The following AUTS2 variants were observed in gnomAD, a reference collection of about 807,000 sequenced individuals.
AUTS2 encodes autism susceptibility gene 2 protein.
AUTS2 carries 17 observed loss-of-function variants against 112.4 expected under a neutral mutation model. That is an observed-to-expected ratio of 0.15 (90% CI 0.10 to 0.23). The LOEUF (loss-of-function observed/expected upper bound fraction) is 0.23, where lower values mean the gene tolerates loss of function less well. AUTS2 is among the 10% of genes least tolerant of loss of function. AUTS2 has a pLI of 1.00. For missense variants in AUTS2, 1,510 were observed against 1,701.6 expected (o/e 0.89, Z 1.98); for synonymous variants, 751 against 702.7 (o/e 1.07, Z -1.09).
At chr7:70,227,940 G>C (rs1811851470) in intron 4 of AUTS2, among the ~76,000 whole-genome samples, 1 of 152,046 alleles carries the variant, frequency 6.6e-6, no homozygotes, top group Admixed American at 6.5e-5. Context: ...CAGTTTGTTT[G>C]ATAGTGTTGG....
chr7:69,970,471 C>T (rs1797803544), intron 2 of AUTS2, among the ~76,000 whole-genome samples: 1 of 152,180 alleles, frequency 6.6e-6, no homozygotes, highest in African/African-American at 2.4e-5. Context: ...CCTCTTACAT[C>T]TCCTAGCACA....
chr7:69,659,580 G>GT (rs1488169559), intron 1 of AUTS2, among the ~76,000 whole-genome samples: 7 of 63,658 alleles, frequency 1.1e-4, no homozygotes, highest in South Asian at 6.4e-4. Context: ...CTGAGGCTTA[G>GT]TTGTTTTTTT....
chr7:69,701,305 G>C (rs960789131), intron 1 of AUTS2, among the ~76,000 whole-genome samples: 3 of 152,182 alleles, frequency 2.0e-5, no homozygotes, highest in African/African-American at 7.2e-5. Context: ...TGTTGCATTT[G>C]ACTTTTGTTG....
At chr7:70,093,356 C>G (rs989732886) in intron 2 of AUTS2, among the ~76,000 whole-genome samples, 3 of 152,066 alleles carry the variant, frequency 2.0e-5, no homozygotes, top group Admixed American at 6.6e-5. Context: ...AAATAAAAAT[C>G]AAAAGTAAAA....
At chr7:69,996,058 A>G (rs1798931574) in intron 2 of AUTS2, among the ~76,000 whole-genome samples, 1 of 152,212 alleles carries the variant, frequency 6.6e-6, no homozygotes, top group Non-Finnish European at 1.5e-5. Flanking sequence ...TTTAATAAAT[A>G]ATTCATTCCT....
At chr7:69,971,386 T>C (rs1294290971) in intron 2 of AUTS2, among the ~76,000 whole-genome samples, 2 of 152,214 alleles carry the variant, frequency 1.3e-5, no homozygotes, top group Non-Finnish European at 2.9e-5. Context: ...ACTTCTTATT[T>C]TGAGATAATG....
intron 6 of AUTS2, among the ~76,000 whole-genome samples, chr7:70,741,589 A>T (rs1247501766): frequency 1.3e-5 from 2 of 151,606 alleles, no homozygotes. Flanking sequence ...TACTTAGGAG[A>T]CTGAGGCAGG....
intron 5 of AUTS2, among the ~76,000 whole-genome samples, chr7:70,466,217 T>C (rs937362918): frequency 6.6e-6 from 1 of 152,106 alleles, no homozygotes; most frequent in Non-Finnish European, 1.5e-5. Context: ...TGATAAACAA[T>C]GAAACAAGCT....
intron 5 of AUTS2, 98 bp from the exon 6 acceptor site, chr7:70,698,471 T>A (rs1809258132): frequency 9.1e-7 from 1 of 1,098,808 alleles, no homozygotes; most frequent in Non-Finnish European, 1.3e-6. Flanking sequence ...TAGGCTTTCG[T>A]AAAATGTAGT....
At chr7:70,113,010 G>T (rs529165271) in intron 2 of AUTS2, among the ~76,000 whole-genome samples, 1 of 151,782 alleles carries the variant, frequency 6.6e-6, no homozygotes, top group African/African-American at 2.4e-5. Context: ...TTTACTAATG[G>T]TTAGCTTCAA....
intron 4 of AUTS2, among the ~76,000 whole-genome samples, chr7:70,260,493 A>C (rs1584944643): frequency 6.6e-6 from 1 of 151,694 alleles, no homozygotes; most frequent in Non-Finnish European, 1.5e-5. Context: ...GGTGGTGGGG[A>C]CTTTCTGAAC....
intron 1 of AUTS2, among the ~76,000 whole-genome samples, chr7:69,755,174 C>T (rs1419896910): frequency 6.6e-6 from 1 of 152,048 alleles, no homozygotes; most frequent in African/African-American, 2.4e-5. Flanking sequence ...GAGACAGTGG[C>T]CTTATCGAGA....
intron 1 of AUTS2, among the ~76,000 whole-genome samples, chr7:69,703,436 C>T (rs1398210938): frequency 6.6e-6 from 1 of 152,198 alleles, no homozygotes; most frequent in Non-Finnish European, 1.5e-5. Flanking sequence ...TGAATATCCA[C>T]CACTTTGTAA....
At chr7:70,693,149 C>G (rs1324289758) in intron 5 of AUTS2, among the ~76,000 whole-genome samples, 1 of 152,160 alleles carries the variant, frequency 6.6e-6, no homozygotes. Context: ...AATTAAAACT[C>G]CAGATGTTTT....
At chr7:70,601,470 A>G (rs537962054) in intron 5 of AUTS2, among the ~76,000 whole-genome samples, 1 of 152,324 alleles carries the variant, frequency 6.6e-6, no homozygotes, top group Admixed American at 6.5e-5. Context: ...TACCCACTGG[A>G]AAGTTCTAAT....
rs559694366 is a variant in AUTS2, at chr7:69,638,974, G to A, written c.309+39012G>A. Among the ~76,000 whole-genome samples, 12 of 152,344 alleles carry A rather than the reference G, an allele frequency of 7.9e-5. No individual in the cohort carries two copies. The East Asian group carries it at 1.3e-3, about 17-fold the overall frequency. On this transcript the variant is annotated intron_variant, in intron 1 of 18. Transcript: ENST00000342771. ...TTTCAATTTGCTAGTGCTGAATAAT[G>A]TCTGCAGTAAAAGTTGGTTTAGGGT...
intron 15 of AUTS2, chr7:70,783,847 G>C (rs1791255205): frequency 6.6e-6 from 1 of 152,040 alleles, no homozygotes; most frequent in Non-Finnish European, 1.5e-5. Flanking sequence ...TAGCTAGTAA[G>C]TAGCCTCGTA....
At chr7:70,412,417 T>C (rs1281278353) in intron 4 of AUTS2, among the ~76,000 whole-genome samples, 3 of 152,018 alleles carry the variant, frequency 2.0e-5, no homozygotes, top group Non-Finnish European at 4.4e-5. Context: ...AAAATTTTGC[T>C]AAGTAAATCC....
intron 4 of AUTS2, among the ~76,000 whole-genome samples, chr7:70,245,133 AGTGTGTGTGTG>A (rs1562816945): frequency 1.7e-5 from 1 of 58,766 alleles, no homozygotes; most frequent in Non-Finnish European, 3.3e-5. Flanking sequence ...AAAAAAAAAA[AGTGTGTGTGTG>A]TATATATATA....
Sources: allele counts gnomAD v4.1 joint callset (sites outside exome capture counted in the v4.1 genomes callset), GRCh38; gene constraint gnomAD v4.1.1; transcripts MANE v1.5; gene names NCBI Gene and HGNC (gene_info 2026-07-23, HGNC 2026-07-21).